RPS9: variants seen among roughly 807,000 people sequenced by gnomAD.
The protein encoded by RPS9 is ribosomal protein S9, also known as small ribosomal subunit protein uS4.
RPS9 carries 1 observed loss-of-function variant against 16.9 expected under a neutral mutation model. The observed-to-expected ratio is 0.06, with a 90% CI of 0.02 to 0.28. The LOEUF is 0.28. RPS9 is among the 10% of genes least tolerant of loss of function. The pLI is 1.00. For synonymous variants in RPS9, 106 were observed against 110.9 expected, an observed-to-expected ratio of 0.96 and a Z score of 0.28; for missense variants, 137 against 273.2, an observed-to-expected ratio of 0.50 and a Z score of 3.51.
In RPS9 at chr19:54,207,386, C is replaced by T. The variant is rs149935834; in HGVS notation, c.408-12C>T. 2.2e-3 allele frequency: 3,572 copies of T among 1,599,774 alleles called. 12 individuals are homozygous for T. Among genetic ancestry groups the T allele is most frequent in the Middle Eastern group, 4.1e-3 (24 of 5,874 alleles). On this transcript the variant is annotated splice_polypyrimidine_tract_variant and intron_variant, in intron 4 of 4. Coordinates refer to ENST00000302907, the MANE Select transcript of RPS9 (RefSeq NM_001013.4). ...TCTCCTCCAGTCCACCTCACCTTGT[C>T]GCTGCTTCCAGGGTCCGCAAGCAGG... is the stretch of plus-strand genomic sequence containing the variant.
Position 54,207,639 on chromosome 19 carries a change from G to C in RPS9, c.*64G>C. 1 of 1,427,542 alleles carries C rather than the reference G, an allele frequency of 7.0e-7. No individual in the cohort carries two copies. The highest frequency in any genetic ancestry group is 9.4e-7 in the Non-Finnish European group (1 of 1,061,930). The allele number at this position is 1,427,542 out of a possible 1,614,324, so 88.4% of individuals were successfully genotyped here. A position where few individuals can be genotyped will look rare whatever the true frequency, so the allele number is the denominator to read the frequency against. ...TTCCTGCCAAATAAACAGGATCAGC[G>C]CTTTACAATTGGTGTGTGGGGGTCT... is the stretch of plus-strand genomic sequence containing the variant. On this transcript the variant is annotated 3_prime_UTR_variant, in exon 5 of 5. Transcript: ENST00000302907.
intron 3 of RPS9, chr19:54,203,349 C>T (rs2077126209): frequency 2.0e-6 from 2 of 979,390 alleles, no homozygotes; most frequent in South Asian, 9.4e-5. Flanking sequence ...GATGTTTGCT[C>T]TTTGGTGTAA....
chr19:54,200,879 G>A lies in RPS9; in HGVS notation c.-35G>A. The A allele has an allele frequency of 8.6e-7, 1 of 1,167,050 alleles. No individual in the cohort carries two copies. Among genetic ancestry groups the A allele is most frequent in the South Asian group, 2.3e-5 (1 of 42,722 alleles). The allele number at this position is 1,167,050 out of a possible 1,614,324, so 72.3% of individuals were successfully genotyped here. A position where few individuals can be genotyped will look rare whatever the true frequency, so the allele number is the denominator to read the frequency against. On this transcript the variant is annotated 5_prime_UTR_variant, in exon 1 of 5. Transcript: ENST00000302907. ...GCGCCTCTTTCTCAGTGACCGGGTG[G>A]TTTGCTTAGGTGAGGTGCGGTGGTG...
intron 3 of RPS9, among the ~76,000 whole-genome samples, chr19:54,204,998 T>G (rs1454919542): frequency 1.3e-5 from 2 of 152,224 alleles, no homozygotes; most frequent in Non-Finnish European, 2.9e-5. Flanking sequence ...GTGAGCTAGC[T>G]TTCTTTCAAA....
chr19:54,206,589 T>C, intron 4 of RPS9, 127 bp downstream of exon 4: 1 of 1,553,356 alleles, frequency 6.4e-7, no homozygotes, highest in East Asian at 2.4e-5. Context: ...ACCCAGAGGG[T>C]ACAGATTCAC....
At chr19:54,202,862 AGAAGCTT>A in intron 3 of RPS9, 13 of 985,428 alleles carry the variant, frequency 1.3e-5, no homozygotes, top group Non-Finnish European at 1.4e-5. Flanking sequence ...TGCAGATGTT[AGAAGCTT>A]TTTCTTTAAA....
chr19:54,206,841 C>G (rs1754041336), intron 4 of RPS9: 2 of 889,154 alleles, frequency 2.2e-6, no homozygotes, highest in Admixed American at 5.9e-5. Context: ...CGATCCATGA[C>G]TGCGTTCTGG....
At chr19:54,203,887 T>G (rs2077150284) in intron 3 of RPS9, among the ~76,000 whole-genome samples, 1 of 151,984 alleles carries the variant, frequency 6.6e-6, no homozygotes. Flanking sequence ...AGGACCTGTT[T>G]CCCACTGAGG....
intron 4 of RPS9, chr19:54,207,142 T>G: frequency 1.9e-6 from 1 of 515,910 alleles, no homozygotes; most frequent in Non-Finnish European, 3.4e-6. Context: ...ATTTGCTTTG[T>G]GGTCTTAGGT....
rs376605794 is a variant in RPS9 at position 54,206,578 on chromosome 19, C to T, written c.407+116C>T. The T allele has an allele frequency of 1.3e-4, 206 of 1,555,930 alleles. 2 individuals carry two copies. In the African/African-American group the frequency reaches 2.6e-3, roughly 20 times the overall value. Reference sequence around the variant, plus strand: ...CCCTCGGAGGTGATGGGTGTGAACTCACCCAGAGGGTACAGATTCACCCTT... The same window carrying T: ...CCCTCGGAGGTGATGGGTGTGAACTTACCCAGAGGGTACAGATTCACCCTT... On this transcript the variant is annotated intron_variant, in intron 4 of 4. Coordinates refer to ENST00000302907, the MANE Select transcript of RPS9 (RefSeq NM_001013.4).
chr19:54,206,128 T>C, intron 3 of RPS9, 148 bp from the exon 4 acceptor site: 1 of 752,368 alleles, frequency 1.3e-6, no homozygotes, highest in Non-Finnish European at 2.1e-6. Context: ...TAGGGTGGTT[T>C]TGACAGTGAC....
chr19:54,201,970 TAACAGG>T, intron 3 of RPS9: 1 of 252,210 alleles, frequency 4.0e-6, no homozygotes, highest in East Asian at 7.8e-5. Context: ...GTGATGGTGA[TAACAGG>T]GTTTGCACAT....
chr19:54,203,117 G>C (rs899521336), intron 3 of RPS9: 1 of 976,658 alleles, frequency 1.0e-6, no homozygotes, highest in African/African-American at 1.8e-5. Context: ...GTGGGGAGTG[G>C]GCTATAGCTG....
chr19:54,201,291 C>G lies in RPS9; in HGVS notation c.97+10C>G, dbSNP rs375976616. On this transcript the variant is annotated intron_variant, in intron 2 of 4. Transcript: ENST00000302907. Reference sequence around the variant, plus strand: ...GAGCTGAAGCTGATCGGTGAGTGGCCAAGGCTTCCGGGAAGTGGTTCGGCT... The same window carrying G: ...GAGCTGAAGCTGATCGGTGAGTGGCGAAGGCTTCCGGGAAGTGGTTCGGCT... The G allele has an allele frequency of 4.3e-6, 7 of 1,613,894 alleles. No homozygotes were observed. In the African/African-American group the frequency reaches 8.0e-5, roughly 18 times the overall value.
At chr19:54,203,274 A>G in intron 3 of RPS9, 1 of 985,364 alleles carries the variant, frequency 1.0e-6, no homozygotes, top group Non-Finnish European at 1.2e-6. Flanking sequence ...ACAGTTGTTC[A>G]GGTGAGTACA....
At chr19:54,204,478 A>T (rs1349693984) in intron 3 of RPS9, among the ~76,000 whole-genome samples, 1 of 152,184 alleles carries the variant, frequency 6.6e-6, no homozygotes, top group Non-Finnish European at 1.5e-5. Flanking sequence ...GTCGTGGCTC[A>T]CTGCAGCCTG....
rs377675545 is a variant in RPS9, at chr19:54,200,993, G to A, written c.-26+105G>A. 45 of 1,440,718 alleles carry A rather than the reference G, an allele frequency of 3.1e-5. No homozygotes were observed. In the South Asian group the frequency reaches 6.2e-4, roughly 20 times the overall value. The allele number at this position is 1,440,718 out of a possible 1,614,324, so 89.2% of individuals were successfully genotyped here. A position where few individuals can be genotyped will look rare whatever the true frequency, so the allele number is the denominator to read the frequency against. On this transcript the variant is annotated intron_variant, in intron 1 of 4. Transcript: ENST00000302907. ...TAAAGACGTTAGGAAACAGAGCAGG[G>A]TGGTTGAACGGGAGTGCAGCACGGT...
chr19:54,200,917 A>G, intron 1 of RPS9, 29 bp downstream of exon 1: 6 of 1,283,710 alleles, frequency 4.7e-6, no homozygotes, highest in East Asian at 3.7e-5. Context: ...CTTTTTCTCT[A>G]GGGTTTGGGT....
intron 3 of RPS9, 95 bp from the exon 4 acceptor site, chr19:54,206,181 C>T (rs545030469): frequency 1.5e-4 from 196 of 1,276,988 alleles, no homozygotes; most frequent in Non-Finnish European, 1.9e-4. Context: ...GCCTCACCGC[C>T]GCGGCATGGA....
Sources: gnomAD v4.1 joint callset for allele counts (sites outside exome capture counted in the v4.1 genomes callset) on GRCh38, gnomAD v4.1.1 for gene constraint, MANE v1.5 for transcripts, NCBI Gene and HGNC (gene_info 2026-07-23, HGNC 2026-07-21) for gene names.